RAF1: variants seen among roughly 807,000 people sequenced by gnomAD.
The protein encoded by RAF1 is RAF proto-oncogene serine/threonine-protein kinase.
Under a neutral mutation model 81.1 loss-of-function variants are expected in RAF1, and 27 were observed. That is an observed-to-expected ratio of 0.33 (90% confidence interval 0.25 to 0.46). The LOEUF is 0.46. Ranked by LOEUF, RAF1 falls within the 20% of genes least tolerant of loss-of-function variation. The pLI, the probability that RAF1 is intolerant of heterozygous loss-of-function variation, is 1.00. For synonymous variants in RAF1, 298 were observed against 294.0 expected, an observed-to-expected ratio of 1.01 and a Z score of -0.14; for missense variants, 598 against 826.0, an observed-to-expected ratio of 0.72 and a Z score of 3.38.
chr3:12,601,830 G>T (rs2125387258), intron 8 of RAF1, among the ~76,000 whole-genome samples: 1 of 152,224 alleles, frequency 6.6e-6, no homozygotes, highest in African/African-American at 2.4e-5. Context: ...GAAGAATGAA[G>T]ATCCACCCCT....
In RAF1 at chr3:12,584,451, G is replaced by A. The variant is rs2125315048; in HGVS notation, c.*63C>T. The A allele has an allele frequency of 6.2e-7, 1 of 1,605,108 alleles. No individual in the cohort carries two copies. Among genetic ancestry groups the A allele is most frequent in the South Asian group, 1.1e-5 (1 of 90,778 alleles). On this transcript the variant is annotated 3_prime_UTR_variant, in exon 18 of 18. Coordinates refer to ENST00000442415, the MANE Select transcript of RAF1 (RefSeq NM_001354689.3). The stretch of plus-strand genomic sequence containing the variant: ...GTTCTGCCTCTGGAGAAAGGGAGCA[G>A]AAAAGTGGTGCCTGCTGGCTTCTCC...
At chr3:12,607,661 TAAA>T (rs926512614) in intron 5 of RAF1, among the ~76,000 whole-genome samples, 3 of 147,502 alleles carry the variant, frequency 2.0e-5, no homozygotes, top group Non-Finnish European at 4.5e-5. Flanking sequence ...AAAATAATAA[TAAA>T]AAAAAAGGCT....
At position 12,603,527 on chromosome 3, in the gene RAF1, A is replaced by G. The variant is rs1239556121; in HGVS notation, c.845T>C (p.Leu282Pro). The G allele has an allele frequency of 4.3e-6, 3 of 701,396 alleles. No individual in the cohort carries two copies. The highest frequency in any genetic ancestry group is 7.8e-6 in the Non-Finnish European group (3 of 383,936). The allele number at this position is 701,396 out of a possible 1,614,324, so 43.4% of individuals were successfully genotyped here. ...GGACCACGCCCTGGGAGAAGCACTC[A>G]GGTTGTTATTCTAGTCCAAAGCAAT... is the stretch of plus-strand genomic sequence containing the variant. The change falls in exon 8 of 18, where the codon CTG becomes CCG. Residue 282 changes from leucine (L) to proline (P), a missense_variant. Leu to Pro is a moderately conservative substitution (Grantham distance 98). This residue lies in a region of RAF1 where 194 missense variants were observed against 202.7 expected (regional missense o/e 0.96). Coordinates refer to ENST00000442415, the MANE Select transcript of RAF1 (RefSeq NM_001354689.3).
intron 1 of RAF1, among the ~76,000 whole-genome samples, chr3:12,631,900 G>A (rs976661777): frequency 6.6e-6 from 1 of 152,154 alleles, no homozygotes; most frequent in African/African-American, 2.4e-5. Context: ...TTTCTATTTA[G>A]TAATGGTGAC....
intron 1 of RAF1, among the ~76,000 whole-genome samples, chr3:12,630,510 G>T (rs1445369397): frequency 6.6e-6 from 1 of 152,180 alleles, no homozygotes; most frequent in African/African-American, 2.4e-5. Context: ...ATTACATAGT[G>T]AGGTCACAGT....
intron 1 of RAF1, among the ~76,000 whole-genome samples, chr3:12,625,014 T>A (rs964813909): frequency 6.6e-6 from 1 of 151,526 alleles, no homozygotes; most frequent in African/African-American, 2.4e-5. Flanking sequence ...AACAAACATA[T>A]ATGTTTATAT....
intron 1 of RAF1, among the ~76,000 whole-genome samples, chr3:12,624,185 C>A (rs904317504): frequency 6.6e-6 from 1 of 152,080 alleles, no homozygotes; most frequent in South Asian, 2.1e-4. Flanking sequence ...CATACTCATA[C>A]AAACGATAGG....
rs777757976 is a variant in RAF1, at chr3:12,600,414, T to C, written c.896A>G (p.Asp299Gly). 1.9e-6 allele frequency: 3 copies of C among 1,614,052 alleles called. No homozygotes were observed. The highest frequency in any genetic ancestry group is 2.5e-6 in the Non-Finnish European group (3 of 1,179,990). The change falls in exon 9 of 18, where the codon GAT (aspartate) becomes GGT (glycine). Residue 299 changes from aspartate (D) to glycine (G), a missense_variant and splice_region_variant. Around this residue, in one of 5 missense-constraint regions of RAF1, gnomAD observed 194 missense variants for 202.7 expected, o/e 0.96. Coordinates refer to ENST00000442415, the MANE Select transcript of RAF1 (RefSeq NM_001354689.3). Reference sequence around the variant, plus strand: ...TGATTCGCTGTGACTTCGAATTGCATCCTGAAACAGAAAAGGAAAGCTGGT... The same window carrying C: ...TGATTCGCTGTGACTTCGAATTGCACCCTGAAACAGAAAAGGAAAGCTGGT...
At chr3:12,616,512 T>A (rs146364712) in intron 2 of RAF1, among the ~76,000 whole-genome samples, 1 of 152,308 alleles carries the variant, frequency 6.6e-6, no homozygotes, top group African/African-American at 2.4e-5. Flanking sequence ...AAATTTTCAT[T>A]TTTAGGAAGA....
intron 2 of RAF1, among the ~76,000 whole-genome samples, chr3:12,613,934 G>A (rs986454259): frequency 2.0e-5 from 3 of 152,162 alleles, no homozygotes; most frequent in Non-Finnish European, 4.4e-5. Flanking sequence ...AGTGGGGAAG[G>A]AATATTCTCC....
chr3:12,613,697 A>G (rs2059288442), intron 2 of RAF1, among the ~76,000 whole-genome samples: 1 of 152,234 alleles, frequency 6.6e-6, no homozygotes, highest in African/African-American at 2.4e-5. Flanking sequence ...AAAGCAGAGA[A>G]AACAATCTAG....
Position 12,587,590 on chromosome 3 carries a change from C to T in RAF1, c.1477+1G>A, listed in dbSNP as rs2125331937. ...AAATGAACTCAACAACCAAAGGATA[C>T]TGTTGGATTTCATGTCTCTATGGAT... On this transcript the variant is annotated splice_donor_variant, in intron 14 of 17. Coordinates refer to ENST00000442415, the MANE Select transcript of RAF1 (RefSeq NM_001354689.3). LOFTEE classifies it high-confidence loss of function. 6.2e-7 allele frequency: 1 copy of T among 1,606,982 alleles called. No individual in the cohort carries two copies. Among genetic ancestry groups the T allele is most frequent in the Non-Finnish European group, 8.5e-7 (1 of 1,173,562 alleles).
chr3:12,605,248 T>TTGTG (rs745742208), intron 6 of RAF1, among the ~76,000 whole-genome samples: 10 of 111,654 alleles, frequency 9.0e-5, no homozygotes, highest in African/African-American at 2.6e-4. Context: ...TGATTACACA[T>TTGTG]TATGTGTGTG....
intron 1 of RAF1, among the ~76,000 whole-genome samples, chr3:12,641,623 T>G (rs1453514578): frequency 6.6e-6 from 1 of 151,614 alleles, no homozygotes; most frequent in East Asian, 2.0e-4. Context: ...TCCCAAGCAG[T>G]TGGGACCACA....
intron 1 of RAF1, among the ~76,000 whole-genome samples, chr3:12,663,190 G>A (rs897848345): frequency 4.6e-5 from 7 of 152,246 alleles, no homozygotes; most frequent in South Asian, 2.1e-4. Context: ...CGGCTCTCGC[G>A]TCACACAAAA....
rs192412850 is a variant in RAF1 at position 12,595,623 on chromosome 3, G to A, written c.1169-3831C>T. The stretch of plus-strand genomic sequence containing the variant: ...AGCCATAAGATCTCCTTGAGTTCTC[G>A]GAGCAGGCCAGGTGAGTGGTCCACT... On this transcript the variant is annotated intron_variant, in intron 11 of 17. Transcript: ENST00000442415. 5.7e-4 allele frequency among the ~76,000 whole-genome samples: 86 copies of A among 151,872 alleles called. 3 individuals carry two copies. The highest frequency in any genetic ancestry group is 1.7e-3 in the African/African-American group (69 of 41,436).
chr3:12,604,566 A>G (rs1403632788), intron 6 of RAF1, among the ~76,000 whole-genome samples: 1 of 152,184 alleles, frequency 6.6e-6, no homozygotes, highest in African/African-American at 2.4e-5. Flanking sequence ...ATAAAGCACC[A>G]CTCTACTCCA....
chr3:12,654,142 C>A (rs1290515580), intron 1 of RAF1, among the ~76,000 whole-genome samples: 1 of 147,948 alleles, frequency 6.8e-6, no homozygotes, highest in East Asian at 2.1e-4. Context: ...CAGGCGCATA[C>A]CACATGCCTG....
chr3:12,619,680 T>C (rs1005511605), intron 1 of RAF1, among the ~76,000 whole-genome samples: 1 of 152,116 alleles, frequency 6.6e-6, no homozygotes, highest in Non-Finnish European at 1.5e-5. Context: ...CCCTTGAGTG[T>C]GAGCAACACA....
Sources: gnomAD v4.1 joint callset for allele counts (sites outside exome capture counted in the v4.1 genomes callset) on GRCh38, gnomAD v4.1.1 for gene constraint, gnomAD v4.1.1 regional missense constraint, MANE v1.5 for transcripts, NCBI Gene and HGNC (gene_info 2026-07-23, HGNC 2026-07-21) for gene names.